GSE1: variants seen among roughly 807,000 people sequenced by gnomAD.
GSE1 encodes Gse1 coiled-coil protein.
A neutral mutation model predicts 112.6 loss-of-function variants in GSE1; 32 were observed. The ratio of observed to expected loss-of-function variants is 0.28; its 90% CI spans 0.21 to 0.38. The LOEUF (loss-of-function observed/expected upper bound fraction) is 0.38, where lower values mean the gene tolerates loss of function less well. Among genes scored for constraint, GSE1 ranks in the 10% least tolerant of loss-of-function variants. The pLI is 1.00. For synonymous variants in GSE1, 1,115 were observed against 735.6 expected (o/e 1.52, Z -8.35); for missense variants, 2,348 against 1,699.2 (o/e 1.38, Z -6.71).
intron 1 of GSE1, among the ~76,000 whole-genome samples, chr16:85,199,676 T>TC (rs1251567175): frequency 6.6e-6 from 1 of 152,166 alleles, no homozygotes; most frequent in Non-Finnish European, 1.5e-5. Context: ...CCTTTTTTTT[T>TC]CTCTCTGAAG....
intron 2 of GSE1, among the ~76,000 whole-genome samples, chr16:85,458,673 A>G (rs1459922101): frequency 1.3e-5 from 2 of 152,180 alleles, no homozygotes; most frequent in African/African-American, 4.8e-5. Context: ...GGAACTCATT[A>G]GGAATGCAGA....
At chr16:85,306,364 C>G (rs901397305) in intron 1 of GSE1, 1 of 154,100 alleles carries the variant, frequency 6.5e-6, no homozygotes, top group Non-Finnish European at 1.5e-5. Flanking sequence ...GGTGCCTGAG[C>G]GGCAGTTGAG....
At chr16:85,554,542 C>A (rs948966149), upstream of GSE1, among the ~76,000 whole-genome samples, 10 of 152,200 alleles carry the variant, frequency 6.6e-5, no homozygotes, top group East Asian at 1.7e-3. Flanking sequence ...TTTGATTACA[C>A]TTGCAACAGG....
chr16:85,486,744 C>T (rs547347901), intron 2 of GSE1, among the ~76,000 whole-genome samples: 3 of 152,258 alleles, frequency 2.0e-5, no homozygotes, highest in Admixed American at 2.0e-4. Flanking sequence ...GGCATCTGTC[C>T]TGTTGCACAG....
rs1441817727 is a variant in GSE1 at position 85,405,308 on chromosome 16, A to G, written c.2464+47665A>G. Among the ~76,000 whole-genome samples, 9 of 2,080 alleles carry G rather than the reference A, an allele frequency of 4.3e-3. 2 individuals are homozygous for G. The highest frequency in any genetic ancestry group is 6.8e-3 in the African/African-American group (8 of 1,180). 1.4% of individuals were successfully genotyped at this position (2,080 alleles called of 152,430 possible). A position where few individuals can be genotyped will look rare whatever the true frequency, so the allele number is the denominator to read the frequency against. ...GGCCCCCCGGATAATCCTCACTGTTACACTCAGGGCCCCCCTGGATAATCC... is the reference window on the plus strand; with the variant it reads ...GGCCCCCCGGATAATCCTCACTGTTGCACTCAGGGCCCCCCTGGATAATCC... On this transcript the variant is annotated intron_variant, in intron 2 of 2. Transcript: ENST00000637419.
At chr16:85,323,922 C>T (rs2046170161) in intron 1 of GSE1, among the ~76,000 whole-genome samples, 1 of 152,200 alleles carries the variant, frequency 6.6e-6, no homozygotes, top group Admixed American at 6.5e-5. Flanking sequence ...GGCCTTGAGC[C>T]CGAATCTGCC....
At chr16:85,661,122 T>C (rs754998740) in intron 8 of GSE1, 24 bp from the exon 9 acceptor site, 3 of 1,540,746 alleles carry the variant, frequency 1.9e-6, no homozygotes, top group East Asian at 2.3e-5. Context: ...TCTCCCTGAC[T>C]GAAGGGTTGG....
intron 1 of GSE1, among the ~76,000 whole-genome samples, chr16:85,580,560 C>T (rs149797084): frequency 2.5e-3 from 378 of 152,314 alleles, no homozygotes; most frequent in African/African-American, 8.6e-3. Context: ...CCAGGGACAC[C>T]GCAGCCTCCT....
chr16:85,656,283 C>A, intron 6 of GSE1, 60 bp from the exon 7 acceptor site: 1 of 1,588,080 alleles, frequency 6.3e-7, no homozygotes, highest in South Asian at 1.1e-5. Context: ...AAGGGCCTGC[C>A]CCAGGTCCGT....
chr16:85,430,719 G>A (rs537623213), intron 2 of GSE1, among the ~76,000 whole-genome samples: 1 of 152,356 alleles, frequency 6.6e-6, no homozygotes, highest in East Asian at 1.9e-4. Flanking sequence ...TAGGGCATTC[G>A]TCTGAAGGGC....
chr16:85,270,266 G>T (rs1423271133), intron 1 of GSE1, among the ~76,000 whole-genome samples: 1 of 148,922 alleles, frequency 6.7e-6, no homozygotes, highest in African/African-American at 2.4e-5. Context: ...AACCACCCAG[G>T]CTCCCAGCAC....
At chr16:85,452,234 G>A (rs1344514184) in intron 2 of GSE1, among the ~76,000 whole-genome samples, 3 of 152,180 alleles carry the variant, frequency 2.0e-5, no homozygotes, top group African/African-American at 2.4e-5. Context: ...CTGACTCCTC[G>A]CGTCCCTAAT....
chr16:85,612,278 G>C (rs1284280056), upstream of GSE1, among the ~76,000 whole-genome samples: 1 of 152,014 alleles, frequency 6.6e-6, no homozygotes, highest in Non-Finnish European at 1.5e-5. Context: ...GGCGGAGCCG[G>C]GGGGTGGGAA....
At chr16:85,220,625 T>C (rs924178174) in intron 1 of GSE1, among the ~76,000 whole-genome samples, 1 of 89,220 alleles carries the variant, frequency 1.1e-5, no homozygotes, top group African/African-American at 3.7e-5. Context: ...GCCTGCCCGC[T>C]GCTGCCCGCT....
intron 1 of GSE1, among the ~76,000 whole-genome samples, chr16:85,262,150 T>G (rs1907763382): frequency 6.6e-6 from 1 of 152,206 alleles, no homozygotes; most frequent in Non-Finnish European, 1.5e-5. Context: ...AGCCTGCTCT[T>G]CAAGAATGAC....
intron 2 of GSE1, among the ~76,000 whole-genome samples, chr16:85,458,607 C>T (rs964878224): frequency 5.3e-5 from 8 of 152,218 alleles, no homozygotes; most frequent in Non-Finnish European, 1.0e-4. Flanking sequence ...CAGGGGCTTC[C>T]ACATTGCGGG....
intron 2 of GSE1, among the ~76,000 whole-genome samples, chr16:85,510,407 C>CGTGTGTGTGTGTGTGT (rs1555524666): frequency 6.7e-6 from 1 of 149,302 alleles, no homozygotes; most frequent in African/African-American, 2.5e-5. Flanking sequence ...CCCGAGCGTG[C>CGTGTGTGTGTGTGTGT]GTGTGTGTGT....
upstream of GSE1, among the ~76,000 whole-genome samples, chr16:85,552,601 G>T (rs2044980694): frequency 6.6e-6 from 1 of 152,114 alleles, no homozygotes; most frequent in African/African-American, 2.4e-5. Flanking sequence ...CAAAGTGCTG[G>T]GATTACAGGC....
rs117491079 is a variant in GSE1 at position 85,238,694 on chromosome 16, C to T, written c.2283+66887C>T. 9.9e-3 allele frequency among the ~76,000 whole-genome samples: 1,512 copies of T among 152,288 alleles called. 11 individuals carry two copies. Among genetic ancestry groups the T allele is most frequent in the Middle Eastern group, 0.02 (6 of 294 alleles). ...TTGCCGCAGGATCTCCCTGCTGTAG[C>T]CAGCCCTTGGGGCGCTCAGCAGGGT... On this transcript the variant is annotated intron_variant, in intron 1 of 2. Transcript: ENST00000637419.
Sources: gnomAD v4.1 joint callset for allele counts (sites outside exome capture counted in the v4.1 genomes callset) on GRCh38, gnomAD v4.1.1 for gene constraint, MANE v1.5 for transcripts, NCBI Gene and HGNC (gene_info 2026-07-23, HGNC 2026-07-21) for gene names.